DLGAP2: variants seen among roughly 807,000 people sequenced by gnomAD.
The protein encoded by DLGAP2 is disks large-associated protein 2.
In DLGAP2, 26 loss-of-function variants were observed where a neutral mutation model predicts 100.3. The ratio of observed to expected loss-of-function variants is 0.26; its 90% CI spans 0.19 to 0.36. The LOEUF is 0.36. Among genes scored for constraint, DLGAP2 ranks in the 10% least tolerant of loss-of-function variants. The pLI is 1.00. For missense variants in DLGAP2, 1,858 were observed against 1,453.2 expected (o/e 1.28, Z -4.53); for synonymous variants, 886 against 630.1 (o/e 1.41, Z -6.08).
At chr8:1,102,253 A>G (rs778128281) in intron 2 of DLGAP2, among the ~76,000 whole-genome samples, 1 of 147,808 alleles carries the variant, frequency 6.8e-6, no homozygotes, top group Non-Finnish European at 1.5e-5. Context: ...ATTAATATTA[A>G]TATATATTTA....
At chr8:1,526,009 G>C (rs1412703207) in intron 4 of DLGAP2, among the ~76,000 whole-genome samples, 1 of 152,016 alleles carries the variant, frequency 6.6e-6, no homozygotes, top group African/African-American at 2.4e-5. Context: ...TACTTGCCAA[G>C]TGAACATCCC....
chr8:1,495,108 C>T (rs982035861), intron 3 of DLGAP2, among the ~76,000 whole-genome samples: 2 of 152,182 alleles, frequency 1.3e-5, no homozygotes, highest in African/African-American at 4.8e-5. Context: ...GTCTTGGTGC[C>T]CTCCCTTCCC....
rs1173080623 is a variant in DLGAP2 at position 1,514,859 on chromosome 8, CAG to C, written c.172+13431_172+13432del. Among the ~76,000 whole-genome samples the C allele has an allele frequency of 4.6e-5, 7 of 152,312 alleles. No homozygotes were observed. In the South Asian group the frequency reaches 1.5e-3, roughly 32 times the overall value. On this transcript the variant is annotated intron_variant, in intron 4 of 14. Transcript: ENST00000637795. ...CAGCGTGATGCCACCCAGAGTCTGA[CAG>C]AGCTGCATGGCAGGACCCCGGGGAG...
chr8:1,668,233 C>CT (rs1798593842), intron 8 of DLGAP2, 96 bp from the exon 9 acceptor site: 1 of 1,190,572 alleles, frequency 8.4e-7, no homozygotes, highest in African/African-American at 1.6e-5. Flanking sequence ...AACAGACTTG[C>CT]TCCGTCAACC....
chr8:1,296,316 A>T (rs1800173546), intron 3 of DLGAP2: 1 of 152,162 alleles, frequency 6.6e-6, no homozygotes, highest in Non-Finnish European at 1.5e-5. Flanking sequence ...ATAACTTTAT[A>T]AATAAATTCC....
intron 1 of DLGAP2, among the ~76,000 whole-genome samples, chr8:824,379 A>G (rs1796646782): frequency 6.6e-6 from 1 of 152,016 alleles, no homozygotes; most frequent in Non-Finnish European, 1.5e-5. Flanking sequence ...GCCCGGGCAC[A>G]TTCCTTCTTC....
At chr8:881,280 G>A (rs1030409452) in intron 1 of DLGAP2, among the ~76,000 whole-genome samples, 2 of 152,276 alleles carry the variant, frequency 1.3e-5, no homozygotes, top group South Asian at 4.1e-4. Context: ...CATGGAGTTA[G>A]CTTGGCTGTG....
Position 1,669,834 on chromosome 8 carries a change from C to G in DLGAP2, c.2202+50C>G, listed in dbSNP as rs375293965. On this transcript the variant is annotated intron_variant, in intron 10 of 14. Transcript: ENST00000637795. Reference sequence around the variant, plus strand: ...GCCGCGTCCGCATGACTTTCATTTTCTCTCCCTTTTTTGGATGTTCATGCG... The same window carrying G: ...GCCGCGTCCGCATGACTTTCATTTTGTCTCCCTTTTTTGGATGTTCATGCG... 41 of 780,702 alleles carry G rather than the reference C, an allele frequency of 5.3e-5. No homozygotes were observed. The African/African-American group carries it at 6.3e-4, about 12-fold the overall frequency. 48.4% of individuals were successfully genotyped at this position (780,702 alleles called of 1,614,324 possible).
chr8:1,583,617 G>A (rs2130647161), intron 6 of DLGAP2, among the ~76,000 whole-genome samples: 1 of 152,292 alleles, frequency 6.6e-6, no homozygotes, highest in African/African-American at 2.4e-5. Flanking sequence ...CACTTCCTGT[G>A]TTTCTAAGCC....
At chr8:932,269 A>C (rs946733355) in intron 2 of DLGAP2, among the ~76,000 whole-genome samples, 5 of 152,230 alleles carry the variant, frequency 3.3e-5, no homozygotes, top group Non-Finnish European at 5.9e-5. Flanking sequence ...AAAGGGTGAC[A>C]AATGTTCTCT....
chr8:1,350,377 A>T (rs1330568153), intron 3 of DLGAP2, among the ~76,000 whole-genome samples: 1 of 86,140 alleles, frequency 1.2e-5, no homozygotes, highest in African/African-American at 4.2e-5. Context: ...GTGGGTCCTG[A>T]CTGTGCGTGG....
At chr8:1,275,246 C>A (rs958054183) in intron 3 of DLGAP2, among the ~76,000 whole-genome samples, 2 of 152,072 alleles carry the variant, frequency 1.3e-5, no homozygotes, top group Non-Finnish European at 2.9e-5. Flanking sequence ...TGGTCCAGAT[C>A]CCTCAGTCTA....
chr8:838,020 C>A (rs1349136152), intron 1 of DLGAP2, among the ~76,000 whole-genome samples: 1 of 151,682 alleles, frequency 6.6e-6, no homozygotes, highest in Non-Finnish European at 1.5e-5. Flanking sequence ...AGCCACTGTG[C>A]CCAGCCTGAA....
intron 2 of DLGAP2, among the ~76,000 whole-genome samples, chr8:981,220 G>A (rs1489170146): frequency 6.6e-6 from 1 of 152,124 alleles, no homozygotes; most frequent in Non-Finnish European, 1.5e-5. Context: ...GTGTTTCCAA[G>A]GCTCATCTGG....
chr8:801,728 G>C (rs1796155779), intron 1 of DLGAP2, among the ~76,000 whole-genome samples: 1 of 152,128 alleles, frequency 6.6e-6, no homozygotes, highest in South Asian at 2.1e-4. Context: ...CCAGCAATGT[G>C]ACTTTCAGCT....
chr8:1,699,980 A>C (rs1799521537), intron 14 of DLGAP2, among the ~76,000 whole-genome samples: 1 of 152,228 alleles, frequency 6.6e-6, no homozygotes, highest in East Asian at 1.9e-4. Context: ...GAAAAAAGGA[A>C]TTACTTGTTA....
At chr8:1,474,081 G>A (rs540721507) in intron 3 of DLGAP2, among the ~76,000 whole-genome samples, 161 of 151,778 alleles carry the variant, frequency 1.1e-3, no homozygotes, top group Non-Finnish European at 1.9e-3. Context: ...TCATTCTTAC[G>A]CCTTTGCATC....
At chr8:1,124,553 T>C (rs984590427) in intron 2 of DLGAP2, among the ~76,000 whole-genome samples, 1 of 152,252 alleles carries the variant, frequency 6.6e-6, no homozygotes, top group Non-Finnish European at 1.5e-5. Flanking sequence ...ATTCATGATA[T>C]GTAATTGTGA....
At chr8:1,186,406 G>A (rs978661363) in intron 2 of DLGAP2, among the ~76,000 whole-genome samples, 1 of 152,160 alleles carries the variant, frequency 6.6e-6, no homozygotes, top group African/African-American at 2.4e-5. Flanking sequence ...AACGGGTGGG[G>A]GACAGTTCCC....
Sources: gnomAD v4.1 joint callset for allele counts (sites outside exome capture counted in the v4.1 genomes callset) on GRCh38, gnomAD v4.1.1 for gene constraint, MANE v1.5 for transcripts, NCBI Gene and HGNC (gene_info 2026-07-23, HGNC 2026-07-21) for gene names.